The following USP9Y variants were observed in gnomAD, a reference collection of about 807,000 sequenced individuals.
USP9Y encodes the protein ubiquitin specific peptidase 9 Y-linked.
USP9Y carries 41 observed loss-of-function variants against 53.1 expected under a neutral mutation model. That is an observed-to-expected ratio of 0.77 (90% CI 0.60 to 1.00). USP9Y has a LOEUF of 1.00. USP9Y is among the 50% of genes least tolerant of loss of function. USP9Y has a pLI of 0.00. For missense variants in USP9Y, 567 were observed against 535.8 expected (o/e 1.06, Z -0.58); for synonymous variants, 220 against 173.7 (o/e 1.27, Z -2.09).
intron 33 of USP9Y, among the ~76,000 whole-genome samples, chrY:12,823,645 G>C (rs2053543889): frequency 3.1e-5 from 1 of 32,726 alleles, no homozygotes; most frequent in African/African-American, 1.2e-4. Flanking sequence ...CTCTCCCTTG[G>C]ACAATCCTGC....
Position 12,840,109 on chromosome Y carries a change from A to G in USP9Y, c.5583A>G (p.Gly1861=). The G allele has an allele frequency of 2.5e-6, 1 of 398,957 alleles. No individual in the cohort carries two copies. The highest frequency in any genetic ancestry group is 3.5e-6 in the Non-Finnish European group (1 of 283,645). The part of the protein sequence containing the change: ...QKEQSDNETA[G]GTKYRLVGVL... Reference sequence around the variant, plus strand: ...AGCAGTCTGACAATGAAACTGCAGGAGGCACAAAGTACAGACTTGTAGGAG... The same window carrying G: ...AGCAGTCTGACAATGAAACTGCAGGGGGCACAAAGTACAGACTTGTAGGAG... Residue 1861 remains glycine, a synonymous_variant, in exon 36 of 46, where the codon GGA becomes GGG. Coordinates refer to ENST00000338981, the MANE Select transcript of USP9Y (RefSeq NM_004654.4).
Position 12,736,541 on chromosome Y carries a change from C to T in USP9Y, c.1156C>T (p.Arg386Ter). The change falls in exon 10 of 46, where the codon CGA (arginine) becomes TGA (stop). Residue 386 changes from arginine (R) to a stop codon, truncating the protein, a stop_gained. Coordinates refer to ENST00000338981, the MANE Select transcript of USP9Y (RefSeq NM_004654.4). LOFTEE classifies it high-confidence loss of function. Reference protein sequence around the residue: ...PEEEEWLTAERMAEWIQQNNI... With the variant: ...PEEEEWLTAE ...GGAGGAAGAATGGCTGACAGCTGAG[C>T]GAATGGCAGTAAGCCTCTTAAATCT... 5.0e-6 allele frequency: 2 copies of T among 396,464 alleles called. No individual in the cohort carries two copies. The highest frequency in any genetic ancestry group is 7.1e-6 in the Non-Finnish European group (2 of 282,072).
intron 33 of USP9Y, among the ~76,000 whole-genome samples, chrY:12,833,336 A>G (rs2053551939): frequency 2.9e-5 from 1 of 33,938 alleles, no homozygotes; most frequent in Non-Finnish European, 7.4e-5. Flanking sequence ...AATAAGCAGA[A>G]TAAAGTTTTA....
chrY:12,712,726 T>C (rs2053425936), intron 3 of USP9Y, among the ~76,000 whole-genome samples: 1 of 33,602 alleles, frequency 3.0e-5, no homozygotes, highest in African/African-American at 1.2e-4. Flanking sequence ...CCTTATTGTT[T>C]GTTACTGTGT....
chrY:12,748,431 TTA>T (rs2053462058), intron 12 of USP9Y, among the ~76,000 whole-genome samples: 1 of 33,524 alleles, frequency 3.0e-5, no homozygotes, highest in African/African-American at 1.2e-4. Flanking sequence ...TTTTAGCTGG[TTA>T]AAGGCTTTTT....
At position 12,791,603 on chromosome Y, in the gene USP9Y, A is replaced by C; in HGVS notation, c.3792A>C (p.Glu1264Asp). 2.6e-6 allele frequency: 1 copy of C among 388,563 alleles called. No homozygotes were observed. Residue 1264 changes from glutamate to aspartate, a missense_variant, in exon 26 of 46, where the codon GAA becomes GAC. Transcript: ENST00000338981. ...ALGLVFSPNE[E>D]ITKIYQMTTN... is the part of the protein sequence containing the mutation. ...GACTAGTTTTTAGCCCAAATGAAGA[A>C]ATAACTAAAATTTATCAGATGGTAA...
intron 43 of USP9Y, 33 bp downstream of exon 43, chrY:12,856,529 C>A: frequency 2.5e-6 from 1 of 395,163 alleles, no homozygotes; most frequent in African/African-American, 6.2e-5. Context: ...TTTGTAGAAA[C>A]CTCTGTCACA....
At position 12,736,486 on chromosome Y, in the gene USP9Y, ATAT is replaced by A. The variant is rs2053451948; in HGVS notation, c.1105_1107del (p.Tyr369del). ...TAAATAAGGTTATATCTAGTGTATC[ATAT>A]TATACTCATCGGCATAGTAATCCTG... is the stretch of plus-strand genomic sequence containing the variant. On this transcript the variant is annotated inframe_deletion, in exon 10 of 46. Coordinates refer to ENST00000338981, the MANE Select transcript of USP9Y (RefSeq NM_004654.4). 2.5e-6 allele frequency: 1 copy of A among 393,558 alleles called. No individual in the cohort carries two copies. Among genetic ancestry groups the A allele is most frequent in the Admixed American group, 7.6e-5 (1 of 13,110 alleles).
intron 33 of USP9Y, among the ~76,000 whole-genome samples, chrY:12,826,347 C>A: frequency 3.2e-5 from 1 of 31,226 alleles, no homozygotes; most frequent in Middle Eastern, 0.014. Context: ...CTTTGGGAGG[C>A]CAAGGTGCGC....
intron 12 of USP9Y, among the ~76,000 whole-genome samples, chrY:12,744,419 A>T: frequency 5.9e-5 from 2 of 33,677 alleles, no homozygotes; most frequent in African/African-American, 2.3e-4. Flanking sequence ...CTGGGAGCTG[A>T]CTAATTATAC....
chrY:12,818,558 G>A lies in USP9Y; in HGVS notation c.4969G>A (p.Ala1657Thr). Residue 1657 changes from alanine to threonine, a missense_variant, in exon 33 of 46, where the codon GCT becomes ACT. Physicochemically the swap from Ala to Thr is moderately conservative, Grantham distance 58 (BLOSUM62 0). Coordinates refer to ENST00000338981, the MANE Select transcript of USP9Y (RefSeq NM_004654.4). ...RHLQVIFGHL[A>T]ASQLQYYVPR... ...CCTTCAGGTCATCTTTGGTCATTTA[G>A]CTGCTTCCCAACTACAATACTATGT... The A allele has an allele frequency of 2.5e-6, 1 of 398,262 alleles. No homozygotes were observed. Among genetic ancestry groups the A allele is most frequent in the Non-Finnish European group, 3.5e-6 (1 of 283,286 alleles).
At chrY:12,729,992 T>G (rs2053445940) in intron 7 of USP9Y, among the ~76,000 whole-genome samples, 7 of 31,273 alleles carry the variant, frequency 2.2e-4, no homozygotes, top group Non-Finnish European at 5.4e-4. Context: ...CTTTGCTTTG[T>G]CACCCAGGCT....
intron 33 of USP9Y, among the ~76,000 whole-genome samples, chrY:12,824,448 T>C: frequency 3.0e-5 from 1 of 32,968 alleles, no homozygotes. Context: ...ATAAAAGATA[T>C]CTTTATTAAA....
intron 12 of USP9Y, among the ~76,000 whole-genome samples, chrY:12,740,143 TA>T (rs2053456293): frequency 3.0e-5 from 1 of 33,793 alleles, no homozygotes; most frequent in Non-Finnish European, 7.4e-5. Flanking sequence ...TATTCAGGAA[TA>T]AATATTTCAG....
At chrY:12,733,755 C>T in intron 7 of USP9Y, among the ~76,000 whole-genome samples, 1 of 31,983 alleles carries the variant, frequency 3.1e-5, no homozygotes, top group Admixed American at 2.9e-4. Context: ...TCAGGGGATC[C>T]ACCCACCTCA....
At chrY:12,767,638 GTT>G (rs2053481343) in intron 15 of USP9Y, among the ~76,000 whole-genome samples, 1 of 31,331 alleles carries the variant, frequency 3.2e-5, no homozygotes, top group Non-Finnish European at 7.7e-5. Context: ...GTGTGTGTGT[GTT>G]TACAATCGTC....
At chrY:12,759,070 A>G (rs2053472519) in intron 14 of USP9Y, among the ~76,000 whole-genome samples, 23 of 33,334 alleles carry the variant, frequency 6.9e-4, no homozygotes, top group Admixed American at 4.9e-3. Context: ...TTAATCTAAC[A>G]TTTTTAACAT....
At chrY:12,778,286 T>C in intron 20 of USP9Y, 27 bp downstream of exon 20, 1 of 344,958 alleles carries the variant, frequency 2.9e-6, no homozygotes. Context: ...TTTAAATAAG[T>C]CATGAAACTT....
intron 1 of USP9Y, among the ~76,000 whole-genome samples, chrY:12,703,725 T>C (rs928164741): frequency 3.0e-5 from 1 of 33,663 alleles, no homozygotes; most frequent in Non-Finnish European, 7.4e-5. Flanking sequence ...AGCCAGCTTT[T>C]ATTCCCTTAT....
Sources: allele counts gnomAD v4.1 joint callset (sites outside exome capture counted in the v4.1 genomes callset), GRCh38; gene constraint gnomAD v4.1.1; transcripts MANE v1.5; gene names NCBI Gene and HGNC (gene_info 2026-07-23, HGNC 2026-07-21).